The following CEP350 variants were observed in gnomAD, a reference collection of about 807,000 sequenced individuals.
CEP350 encodes the protein centrosome-associated protein 350.
In CEP350, 126 loss-of-function variants were observed where a neutral mutation model predicts 331.8. That is an observed-to-expected ratio of 0.38 (90% CI 0.33 to 0.44). CEP350 has a LOEUF of 0.44. Ranked by LOEUF, CEP350 falls within the 20% of genes least tolerant of loss-of-function variation. The pLI is 1.00. For synonymous variants in CEP350, 1,200 were observed against 1,259.5 expected (o/e 0.95, Z 1.00); for missense variants, 3,406 against 3,634.6 (o/e 0.94, Z 1.62).
intron 1 of CEP350, 79 bp downstream of exon 1, chr1:179,955,221 C>T (rs1650077611): frequency 1.7e-6 from 2 of 1,170,994 alleles, no homozygotes; most frequent in East Asian, 6.2e-5. Flanking sequence ...CCCGGGTCCC[C>T]GGTGGCGGCA....
rs1661578311 is a variant in CEP350, at chr1:180,114,204, T to C, written c.*3043T>C. The C allele has an allele frequency of 6.6e-6, 1 of 152,550 alleles. No homozygotes were observed. The highest frequency in any genetic ancestry group is 1.5e-5 in the Non-Finnish European group (1 of 68,012). 9.4% of individuals were successfully genotyped at this position (152,550 alleles called of 1,614,324 possible). A position where few individuals can be genotyped will look rare whatever the true frequency, so the allele number is the denominator to read the frequency against. On this transcript the variant is annotated 3_prime_UTR_variant, in exon 38 of 38. Transcript: ENST00000367607. ...TCAGTTTCTTGTCTTGAAAAAAAAG[T>C]GGCCTTAGCTTTTTGCAATACTTGA...
At chr1:180,004,793 T>C (rs185896537) in intron 7 of CEP350, among the ~76,000 whole-genome samples, 3 of 152,288 alleles carry the variant, frequency 2.0e-5, no homozygotes, top group Admixed American at 2.0e-4. Flanking sequence ...TAAACCTAAT[T>C]ATTCTTTTTC....
intron 8 of CEP350, among the ~76,000 whole-genome samples, chr1:180,011,090 C>G (rs1037593088): frequency 6.7e-6 from 1 of 150,146 alleles, no homozygotes; most frequent in Non-Finnish European, 1.5e-5. Flanking sequence ...TTTTTTTCTT[C>G]TGGTAAACAG....
chr1:180,073,799 G>A, intron 27 of CEP350: 1 of 1,304,152 alleles, frequency 7.7e-7, no homozygotes, highest in Non-Finnish European at 1.0e-6. Flanking sequence ...CTGCTCTCCT[G>A]TTCACTACTT....
rs1213815723 is a variant in CEP350, at chr1:180,020,202, T to G, written c.2428T>G (p.Leu810Val). 6.2e-7 allele frequency: 1 copy of G among 1,614,048 alleles called. No individual in the cohort carries two copies. Among genetic ancestry groups the G allele is most frequent in the Non-Finnish European group, 8.5e-7 (1 of 1,179,894 alleles). ...CTCACCAGCTGCTTATACAGATGCC[T>G]TGTTAAAACCTAGTGCCAGCCAATA... ...VTSPAAYTDA[L>V]LKPSASQYKS... The change falls in exon 12 of 38, where the codon TTG (leucine) becomes GTG (valine). Residue 810 changes from leucine (L) to valine (V), a missense_variant. Around this residue, in one of 5 missense-constraint regions of CEP350, gnomAD observed 1,857 missense variants for 1,909.2 expected, o/e 0.97. Transcript: ENST00000367607.
chr1:180,075,314 C>T, intron 28 of CEP350, 93 bp downstream of exon 28: 1 of 1,266,024 alleles, frequency 7.9e-7, no homozygotes, highest in Admixed American at 2.7e-5. Flanking sequence ...AGGCTGGGCG[C>T]AGTGGCTCAC....
intron 7 of CEP350, among the ~76,000 whole-genome samples, chr1:180,004,977 TTTC>T (rs1483377134): frequency 1.4e-5 from 2 of 143,572 alleles, no homozygotes; most frequent in Non-Finnish European, 3.1e-5. Flanking sequence ...TTTTTTTAAA[TTTC>T]TTTTTTTTTT....
At chr1:179,969,821 T>G (rs1480909028) in intron 1 of CEP350, among the ~76,000 whole-genome samples, 2 of 152,070 alleles carry the variant, frequency 1.3e-5, no homozygotes, top group East Asian at 3.9e-4. Flanking sequence ...CTGAAAAATC[T>G]ACTTCCTATC....
chr1:180,029,666 G>T (rs1318269282), intron 14 of CEP350, among the ~76,000 whole-genome samples: 4 of 152,030 alleles, frequency 2.6e-5, no homozygotes, highest in Non-Finnish European at 5.9e-5. Flanking sequence ...CTAACTTTCT[G>T]TCTCTATGAA....
At chr1:180,011,733 A>G (rs1450359655) in intron 8 of CEP350, among the ~76,000 whole-genome samples, 196 bp from the exon 9 acceptor site, 1 of 152,146 alleles carries the variant, frequency 6.6e-6, no homozygotes, top group Non-Finnish European at 1.5e-5. Flanking sequence ...TTTATTTCAG[A>G]TGTGTGGGTA....
chr1:179,967,461 G>GA (rs1651101877), intron 1 of CEP350, among the ~76,000 whole-genome samples: 1 of 152,254 alleles, frequency 6.6e-6, no homozygotes, highest in South Asian at 2.1e-4. Flanking sequence ...GCCCAGGAGG[G>GA]AGTACAGTAG....
chr1:179,968,287 C>T (rs538331913), intron 1 of CEP350, among the ~76,000 whole-genome samples: 6 of 149,948 alleles, frequency 4.0e-5, no homozygotes, highest in Admixed American at 6.7e-5. Flanking sequence ...GCCGAGATTG[C>T]GCCACTGCAC....
At chr1:180,110,271 TA>T (rs1661401464) in intron 37 of CEP350, among the ~76,000 whole-genome samples, 2 of 152,238 alleles carry the variant, frequency 1.3e-5, no homozygotes, top group Admixed American at 6.5e-5. Flanking sequence ...GGGTTCGACT[TA>T]CTGTTTTTCA....
At chr1:180,067,657 C>T (rs1165470085) in intron 27 of CEP350, among the ~76,000 whole-genome samples, 1 of 152,080 alleles carries the variant, frequency 6.6e-6, no homozygotes, top group Non-Finnish European at 1.5e-5. Flanking sequence ...CCGCCATACT[C>T]CAGCCTGGGC....
intron 1 of CEP350, among the ~76,000 whole-genome samples, chr1:179,955,981 A>G (rs2148507846): frequency 6.6e-6 from 1 of 152,332 alleles, no homozygotes; most frequent in East Asian, 1.9e-4. Flanking sequence ...GAAGAGTTTT[A>G]AAAGAAAGAC....
chr1:180,068,743 A>G (rs755704270), intron 27 of CEP350, among the ~76,000 whole-genome samples: 8 of 152,094 alleles, frequency 5.3e-5, no homozygotes, highest in Non-Finnish European at 1.0e-4. Flanking sequence ...TCTCTCAGCA[A>G]TTGTTTATTG....
In CEP350 at chr1:179,977,711, A is replaced by G. The variant is rs559731150; in HGVS notation, c.-13-8458A>G. Among the ~76,000 whole-genome samples the G allele has an allele frequency of 4.9e-4, 74 of 152,280 alleles. 1 individual carries two copies. The South Asian group carries it at 8.5e-3, about 17-fold the overall frequency. ...TATGTAGACTTTATAAACACTGTGC[A>G]CTTAGGCTACACTAAGTTGATTAAA... On this transcript the variant is annotated intron_variant, in intron 1 of 37. Coordinates refer to ENST00000367607, the MANE Select transcript of CEP350 (RefSeq NM_014810.5).
chr1:180,056,377 C>G (rs1657839609), intron 25 of CEP350, among the ~76,000 whole-genome samples: 1 of 151,380 alleles, frequency 6.6e-6, no homozygotes, highest in South Asian at 2.1e-4. Context: ...TGTATCTATC[C>G]TATTTAGGAT....
chr1:180,095,839 A>C lies in CEP350; in HGVS notation c.8828A>C (p.Asp2943Ala). The change falls in exon 35 of 38, where the codon GAT (aspartate) becomes GCT (alanine). Residue 2943 changes from aspartate (D) to alanine (A), a missense_variant. Around this residue, in one of 5 missense-constraint regions of CEP350, gnomAD observed 1,415 missense variants for 1,512.3 expected, o/e 0.94. Transcript: ENST00000367607. ...TGGAAATGGAAAGAATTAGGCCACG[A>C]TCTTCATAGCATCAGTATTCCTACA... ...ELWKWKELGH[D>A]LHSISIPTKL... 1 of 1,613,974 alleles carries C rather than the reference A, an allele frequency of 6.2e-7. No individual in the cohort carries two copies. Among genetic ancestry groups the C allele is most frequent in the Non-Finnish European group, 8.5e-7 (1 of 1,179,880 alleles).
Sources: allele counts gnomAD v4.1 joint callset (sites outside exome capture counted in the v4.1 genomes callset), GRCh38; gene constraint gnomAD v4.1.1; regional missense constraint gnomAD v4.1.1; transcripts MANE v1.5; gene names NCBI Gene and HGNC (gene_info 2026-07-23, HGNC 2026-07-21).